Variants in UROC1 observed in about 807,000 individuals in gnomAD.
The protein encoded by UROC1 is urocanate hydratase.
UROC1 carries 79 observed loss-of-function variants against 89.5 expected under a neutral mutation model. The ratio of observed to expected loss-of-function variants is 0.88; its 90% CI spans 0.74 to 1.06. The LOEUF (loss-of-function observed/expected upper bound fraction) is 1.06. Ranked by LOEUF, UROC1 falls within the 50% of genes least tolerant of loss-of-function variation. The pLI, the probability that UROC1 is intolerant of heterozygous loss-of-function variation, is 0.00. For missense variants in UROC1, 885 were observed against 907.8 expected, an observed-to-expected ratio of 0.97 and a Z score of 0.32; for synonymous variants, 361 against 354.8, an observed-to-expected ratio of 1.02 and a Z score of -0.20.
In UROC1 at chr3:126,509,589, G is replaced by A. The variant is rs1262473574; in HGVS notation, c.347C>T (p.Ala116Val). 1.9e-6 allele frequency: 3 copies of A among 1,551,630 alleles called. No individual in the cohort carries two copies. The highest frequency in any genetic ancestry group is 1.7e-4 in the Middle Eastern group (1 of 6,012). ...CTCGGTTTCCCTGGCTATTACCTGGGCCACGGCAGGATCCAGGTTGTTCAT... is the reference window on the plus strand; with the variant it reads ...CTCGGTTTCCCTGGCTATTACCTGGACCACGGCAGGATCCAGGTTGTTCAT... ...MIMNNLDPAV[A>V]QFPQELVTYG... The change falls in exon 3 of 20, where the codon GCC becomes GTC. Residue 116 changes from alanine (A) to valine (V), a missense_variant. Ala to Val is a moderately conservative substitution (Grantham distance 64, BLOSUM62 0). Coordinates refer to ENST00000290868, the MANE Select transcript of UROC1 (RefSeq NM_144639.3).
At chr3:126,497,227 A>C (rs1935798324) in intron 14 of UROC1, among the ~76,000 whole-genome samples, 1 of 152,222 alleles carries the variant, frequency 6.6e-6, no homozygotes, top group Non-Finnish European at 1.5e-5. Flanking sequence ...TAGAGATGTG[A>C]AGCACACAGC....
intron 3 of UROC1, among the ~76,000 whole-genome samples, chr3:126,509,161 C>T (rs1024529336): frequency 1.1e-4 from 16 of 150,856 alleles, no homozygotes; most frequent in Admixed American, 4.0e-4. Flanking sequence ...ACTTGAGCCC[C>T]GGAGGTTGAG....
Position 126,510,781 on chromosome 3 carries a change from T to C in UROC1, c.140A>G (p.Asn47Ser). 1 of 1,613,582 alleles carries C rather than the reference T, an allele frequency of 6.2e-7. No individual in the cohort carries two copies. Among genetic ancestry groups the C allele is most frequent in the Non-Finnish European group, 8.5e-7 (1 of 1,179,972 alleles). The change falls in exon 2 of 20, where the codon AAC becomes AGC. Residue 47 changes from asparagine (N) to serine (S), a missense_variant. Coordinates refer to ENST00000290868, the MANE Select transcript of UROC1 (RefSeq NM_144639.3). The part of the protein sequence containing the change: ...SPVEKQLALR[N>S]ALRYFPPDVQ... ...ATCCGGGGGGAAGTAGCGCAGGGCGTTCCTCAGCGCCAGCTGGGGTAGGAG... is the reference window on the plus strand; with the variant it reads ...ATCCGGGGGGAAGTAGCGCAGGGCGCTCCTCAGCGCCAGCTGGGGTAGGAG...
At chr3:126,508,148 C>CCCAG (rs1334940394) in intron 4 of UROC1, 53 bp from the exon 5 acceptor site, 1 of 1,612,204 alleles carries the variant, frequency 6.2e-7, no homozygotes, top group East Asian at 2.2e-5. Context: ...GCACCCCACA[C>CCCAG]CCAGCCCCAC....
chr3:126,498,251 G>A (rs979111392), intron 13 of UROC1, 79 bp from the exon 14 acceptor site: 28 of 1,609,436 alleles, frequency 1.7e-5, no homozygotes, highest in Non-Finnish European at 2.3e-5. Context: ...ATGCCAGGGA[G>A]GAGGGCTCAG....
chr3:126,486,984 A>T (rs1404791260), intron 18 of UROC1, among the ~76,000 whole-genome samples: 4 of 152,244 alleles, frequency 2.6e-5, no homozygotes, highest in African/African-American at 9.6e-5. Flanking sequence ...TTTAGGTCCC[A>T]GTGTCTGGTC....
At chr3:126,512,161 A>T (rs1428228862) in intron 1 of UROC1, among the ~76,000 whole-genome samples, 2 of 152,240 alleles carry the variant, frequency 1.3e-5, no homozygotes, top group African/African-American at 4.8e-5. Flanking sequence ...GATGGGGCTC[A>T]CACAGGTCGT....
At chr3:126,485,606 T>TTTTG (rs1935498635) in intron 18 of UROC1, among the ~76,000 whole-genome samples, 1 of 151,280 alleles carries the variant, frequency 6.6e-6, no homozygotes. Flanking sequence ...TTTATTTTTT[T>TTTTG]TTGGTAGAGA....
At chr3:126,498,276 G>A (rs1167035389) in intron 13 of UROC1, 104 bp from the exon 14 acceptor site, 15 of 1,591,432 alleles carry the variant, frequency 9.4e-6, no homozygotes, top group Middle Eastern at 2.2e-4. Context: ...CAGAAGTCAG[G>A]TGTGGAACCC....
intron 17 of UROC1, among the ~76,000 whole-genome samples, chr3:126,488,592 A>AT (rs1421409797): frequency 1.3e-5 from 2 of 152,230 alleles, no homozygotes; most frequent in African/African-American, 4.8e-5. Flanking sequence ...AGTTCAGAGA[A>AT]GTAGAGTGCC....
chr3:126,486,131 C>A (rs1935510641), intron 18 of UROC1, among the ~76,000 whole-genome samples: 1 of 152,192 alleles, frequency 6.6e-6, no homozygotes. Context: ...AGGGCAAGAG[C>A]AGAGGTAAAG....
intron 13 of UROC1, among the ~76,000 whole-genome samples, chr3:126,498,700 C>T (rs958988184): frequency 1.3e-5 from 2 of 152,114 alleles, no homozygotes; most frequent in Non-Finnish European, 2.9e-5. Flanking sequence ...AGTGCTCAGC[C>T]CCTCCCACCT....
Position 126,505,839 on chromosome 3 carries a change from G to C in UROC1, c.675C>G (p.Thr225=). The change falls in exon 8 of 20, where the codon ACC becomes ACG. Residue 225 remains threonine, a synonymous_variant. Transcript: ENST00000290868. ...GGTACCGACGTGCAGCATTCAACAC[G>C]GTGAGCTGCAGGGAGAAGAGGTGGG... ...PQGIVHGTVL[T]VLNAARRYLG... The C allele has an allele frequency of 6.2e-7, 1 of 1,613,702 alleles. No homozygotes were observed. The highest frequency in any genetic ancestry group is 8.5e-7 in the Non-Finnish European group (1 of 1,180,030).
intron 12 of UROC1, 114 bp downstream of exon 12, chr3:126,499,943 T>G (rs983395138): frequency 5.8e-6 from 6 of 1,032,630 alleles, no homozygotes; most frequent in Non-Finnish European, 8.9e-6. Context: ...TCGGTCAGGA[T>G]TTGCTGGGCC....
intron 15 of UROC1, among the ~76,000 whole-genome samples, chr3:126,493,171 G>A (rs896310527): frequency 1.3e-5 from 2 of 152,110 alleles, no homozygotes; most frequent in East Asian, 3.9e-4. Context: ...GAGTCACTGT[G>A]TAGCCCCGCG....
intron 11 of UROC1, 85 bp downstream of exon 11, chr3:126,500,610 G>T: frequency 6.4e-7 from 1 of 1,556,358 alleles, no homozygotes; most frequent in Middle Eastern, 1.7e-4. Context: ...GCAGCTGGTT[G>T]CTGGAGAACT....
At chr3:126,487,171 G>C (rs906141113) in intron 18 of UROC1, among the ~76,000 whole-genome samples, 1 of 150,844 alleles carries the variant, frequency 6.6e-6, no homozygotes, top group African/African-American at 2.5e-5. Flanking sequence ...GCCTTCGGCT[G>C]TCTGTCAGCA....
In UROC1 at chr3:126,482,488, A is replaced by G; in HGVS notation, c.1891-3T>C. On this transcript the variant is annotated splice_polypyrimidine_tract_variant and splice_region_variant and intron_variant, in intron 19 of 19. Coordinates refer to ENST00000290868, the MANE Select transcript of UROC1 (RefSeq NM_144639.3). ...CCTGACCAGCAGCGCCGGGCCACCT[A>G]GGGCAAGGAGGGGGATAGCAGTCCA... The G allele has an allele frequency of 6.2e-7, 1 of 1,613,850 alleles. No individual in the cohort carries two copies. Among genetic ancestry groups the G allele is most frequent in the Non-Finnish European group, 8.5e-7 (1 of 1,179,994 alleles).
chr3:126,513,380 C>T (rs73859509), intron 1 of UROC1, among the ~76,000 whole-genome samples: 4,994 of 152,300 alleles, frequency 0.033, 254 homozygotes, highest in African/African-American at 0.11. Flanking sequence ...AGCTCTAGGC[C>T]GAGGATACGT....
Sources: allele counts gnomAD v4.1 joint callset (sites outside exome capture counted in the v4.1 genomes callset), GRCh38; gene constraint gnomAD v4.1.1; transcripts MANE v1.5; gene names NCBI Gene and HGNC (gene_info 2026-07-23, HGNC 2026-07-21).